Variants in CYP4X1 observed in about 807,000 individuals in gnomAD.
CYP4X1 encodes cytochrome P450 family 4 subfamily X member 1.
A neutral mutation model predicts 57.9 loss-of-function variants in CYP4X1; 44 were observed. That is an observed-to-expected ratio of 0.76 (90% CI 0.60 to 0.98). The LOEUF (loss-of-function observed/expected upper bound fraction) is 0.98. Among genes scored for constraint, CYP4X1 ranks in the 50% least tolerant of loss-of-function variants. CYP4X1 has a pLI of 0.00. For missense variants in CYP4X1, 532 were observed against 623.9 expected (o/e 0.85, Z 1.57); for synonymous variants, 227 against 228.6 (o/e 0.99, Z 0.06).
At chr1:47,049,882 C>A in intron 11 of CYP4X1, 118 bp from the exon 12 acceptor site, 2 of 1,076,386 alleles carry the variant, frequency 1.9e-6, no homozygotes, top group Non-Finnish European at 2.6e-6. Flanking sequence ...GTTTCAATGG[C>A]ATTTGGTGGA....
At chr1:46,968,685 T>TTGAG in the CYP4X1 span, among the ~76,000 whole-genome samples, 888 of 151,842 alleles carry the variant, frequency 5.8e-3, 4 homozygotes, top group Non-Finnish European at 8.3e-3. Context: ...CACTCAGTGA[T>TTGAG]TGAGTGAGTG....
At chr1:46,967,777 CT>C in the CYP4X1 span, 1 of 1,354,214 alleles carries the variant, frequency 7.4e-7, no homozygotes, top group Non-Finnish European at 9.8e-7. Flanking sequence ...GACCGGGATC[CT>C]GGTGGGATCA....
At chr1:46,991,193 C>G in the CYP4X1 span, among the ~76,000 whole-genome samples, 1 of 152,242 alleles carries the variant, frequency 6.6e-6, no homozygotes, top group South Asian at 2.1e-4. Context: ...TTCAAAGAAG[C>G]CCTACACTTC....
chr1:47,025,820 C>T (rs1644057091), intron 1 of CYP4X1, among the ~76,000 whole-genome samples: 1 of 152,148 alleles, frequency 6.6e-6, no homozygotes, highest in South Asian at 2.1e-4. Flanking sequence ...CCTCCTGTTC[C>T]AGTCTGGACT....
At chr1:46,976,525 C>T in the CYP4X1 span, among the ~76,000 whole-genome samples, 13 of 152,148 alleles carry the variant, frequency 8.5e-5, no homozygotes, top group Admixed American at 1.3e-4. Flanking sequence ...GGCATGGCAT[C>T]GCTGAACAAA....
At chr1:47,016,413 C>T in the CYP4X1 span, among the ~76,000 whole-genome samples, 1 of 151,246 alleles carries the variant, frequency 6.6e-6, no homozygotes, top group Non-Finnish European at 1.5e-5. Flanking sequence ...GCTATCTTGG[C>T]TCCCCACAAG....
intron 3 of CYP4X1, among the ~76,000 whole-genome samples, 163 bp from the exon 4 acceptor site, chr1:47,033,078 A>G (rs1327465401): frequency 2.0e-5 from 3 of 152,128 alleles, no homozygotes; most frequent in African/African-American, 7.2e-5. Context: ...ATTCACCTTC[A>G]TCTATTAAAT....
Position 47,048,670 on chromosome 1 carries a change from T to A in CYP4X1, c.1272+41T>A, listed in dbSNP as rs573161587. On this transcript the variant is annotated intron_variant, in intron 10 of 11. Coordinates refer to ENST00000371901, the MANE Select transcript of CYP4X1 (RefSeq NM_178033.2). Reference sequence around the variant, plus strand: ...GTACATAAATACTTCCAAGAACTAATGCTGTGCAAGTCACTTTTTGGTAGC... The same window carrying A: ...GTACATAAATACTTCCAAGAACTAAAGCTGTGCAAGTCACTTTTTGGTAGC... 3.8e-6 allele frequency: 6 copies of A among 1,567,498 alleles called. No individual in the cohort carries two copies. The African/African-American group carries it at 4.1e-5, about 11-fold the overall frequency.
At chr1:47,005,153 C>T in the CYP4X1 span, among the ~76,000 whole-genome samples, 1 of 152,178 alleles carries the variant, frequency 6.6e-6, no homozygotes, top group Admixed American at 6.5e-5. Context: ...AAAGGGGATG[C>T]ACTCAGAAGA....
the CYP4X1 span, among the ~76,000 whole-genome samples, chr1:47,004,602 T>C: frequency 1.3e-5 from 2 of 152,134 alleles, no homozygotes; most frequent in Non-Finnish European, 2.9e-5. Context: ...TTTTTGCCTT[T>C]TTTTTTTAAT....
At chr1:47,030,680 G>A (rs1330543783) in intron 2 of CYP4X1, among the ~76,000 whole-genome samples, 1 of 152,126 alleles carries the variant, frequency 6.6e-6, no homozygotes, top group Non-Finnish European at 1.5e-5. Context: ...TTTCATTGTG[G>A]ATTATTTCAT....
At chr1:46,968,728 A>G in the CYP4X1 span, among the ~76,000 whole-genome samples, 1 of 151,594 alleles carries the variant, frequency 6.6e-6, no homozygotes, top group Non-Finnish European at 1.5e-5. Context: ...TGGATGAGGG[A>G]GCAATGTTTG....
At chr1:47,023,344 C>G (rs1460863882), upstream of CYP4X1, among the ~76,000 whole-genome samples, 1 of 152,164 alleles carries the variant, frequency 6.6e-6, no homozygotes, top group African/African-American at 2.4e-5. Flanking sequence ...CACCACTAGG[C>G]AGGCCACAGG....
At chr1:46,992,842 G>C in the CYP4X1 span, among the ~76,000 whole-genome samples, 1 of 152,042 alleles carries the variant, frequency 6.6e-6, no homozygotes, top group African/African-American at 2.4e-5. Flanking sequence ...AAATTGATAT[G>C]CCAATTTATA....
At chr1:47,020,714 C>G (rs536233026), upstream of CYP4X1, among the ~76,000 whole-genome samples, 1 of 152,302 alleles carries the variant, frequency 6.6e-6, no homozygotes, top group African/African-American at 2.4e-5. Flanking sequence ...GATACAGCTC[C>G]ACAAAATTCT....
At chr1:47,027,796 G>T (rs1281614599) in intron 1 of CYP4X1, among the ~76,000 whole-genome samples, 1 of 152,068 alleles carries the variant, frequency 6.6e-6, no homozygotes, top group Admixed American at 6.6e-5. Flanking sequence ...AAAGAGGCTT[G>T]CCCTGACCAT....
At chr1:47,049,316 C>A in intron 10 of CYP4X1, 106 bp from the exon 11 acceptor site, 3 of 790,238 alleles carry the variant, frequency 3.8e-6, no homozygotes, top group South Asian at 2.1e-5. Context: ...TTTTAAATTA[C>A]ACATGTAGAT....
the CYP4X1 span, among the ~76,000 whole-genome samples, chr1:46,968,316 C>T: frequency 3.3e-5 from 5 of 152,160 alleles, no homozygotes; most frequent in South Asian, 2.1e-4. Context: ...GACTCTCTGG[C>T]GTCCCTGCTT....
the CYP4X1 span, among the ~76,000 whole-genome samples, chr1:46,984,001 C>T: frequency 1.3e-5 from 2 of 152,104 alleles, no homozygotes; most frequent in African/African-American, 4.8e-5. Flanking sequence ...AGAGCTACAG[C>T]AGCTGGTGCA....
Sources: allele counts gnomAD v4.1 joint callset (sites outside exome capture counted in the v4.1 genomes callset), GRCh38; gene constraint gnomAD v4.1.1; transcripts MANE v1.5; gene names NCBI Gene and HGNC (gene_info 2026-07-23, HGNC 2026-07-21).